The following STRBP variants were observed in gnomAD, a reference collection of about 807,000 sequenced individuals.
The protein encoded by STRBP is spermatid perinuclear RNA binding protein.
In STRBP, 13 loss-of-function variants were observed where a neutral mutation model predicts 80.1. That is an observed-to-expected ratio of 0.16 (90% CI 0.11 to 0.26). STRBP has a LOEUF of 0.26. STRBP is among the 10% of genes least tolerant of loss of function. STRBP has a pLI of 1.00. For synonymous variants in STRBP, 284 were observed against 291.2 expected, an observed-to-expected ratio of 0.98 and a Z score of 0.25; for missense variants, 485 against 815.2, an observed-to-expected ratio of 0.59 and a Z score of 4.93.
Position 123,136,298 on chromosome 9 carries a change from T to C in STRBP, c.1632+83A>G. ...ATCAAATAGTGCCACAAGAACTGACTCAGTCTAAAACTTTACATTAAGTTC... is the reference window on the plus strand; with the variant it reads ...ATCAAATAGTGCCACAAGAACTGACCCAGTCTAAAACTTTACATTAAGTTC... On this transcript the variant is annotated intron_variant, in intron 15 of 18. Transcript: ENST00000348403. This position sits in a 1 kb window ranked among gnomAD's most constrained non-coding sequence, Gnocchi z 4.2. 1 of 1,596,768 alleles carries C rather than the reference T, an allele frequency of 6.3e-7. No individual in the cohort carries two copies. Among genetic ancestry groups the C allele is most frequent in the Admixed American group, 1.8e-5 (1 of 56,964 alleles).
At chr9:123,142,124 G>A (rs1055222463) in intron 13 of STRBP, among the ~76,000 whole-genome samples, 4 of 152,140 alleles carry the variant, frequency 2.6e-5, no homozygotes, top group African/African-American at 9.7e-5. Context: ...TATGGTTTGT[G>A]TCCCCACCCA....
chr9:123,191,335 C>T (rs957612263), intron 2 of STRBP, among the ~76,000 whole-genome samples: 1 of 151,778 alleles, frequency 6.6e-6, no homozygotes, highest in African/African-American at 2.4e-5. Context: ...AGCAGTGGTC[C>T]TAAGGAAGGG....
chr9:123,154,545 T>G (rs1253816206), intron 11 of STRBP, among the ~76,000 whole-genome samples: 2 of 148,412 alleles, frequency 1.3e-5, no homozygotes, highest in Non-Finnish European at 1.5e-5. Flanking sequence ...CCCATGGCAC[T>G]GGTTTTATGG....
intron 2 of STRBP, among the ~76,000 whole-genome samples, chr9:123,202,749 G>A (rs570539366): frequency 3.7e-4 from 57 of 152,180 alleles, no homozygotes; most frequent in Admixed American, 1.6e-3. Flanking sequence ...AGTGATAGAT[G>A]CCCCATTTAC....
intron 2 of STRBP, among the ~76,000 whole-genome samples, chr9:123,199,456 T>C (rs1218950390): frequency 2.6e-5 from 4 of 152,206 alleles, no homozygotes; most frequent in African/African-American, 9.7e-5. Context: ...ATTGAATCTG[T>C]AGATTGCTTT....
At chr9:123,149,430 A>G (rs184615743) in intron 11 of STRBP, among the ~76,000 whole-genome samples, 85 of 152,374 alleles carry the variant, frequency 5.6e-4, no homozygotes, top group Non-Finnish European at 8.4e-4. Context: ...ATTAAGTTAC[A>G]TTAAAAGCAG....
Position 123,125,591 on chromosome 9 carries a change from C to T in STRBP, c.*6G>A, listed in dbSNP as rs761203830. 2.5e-6 allele frequency: 4 copies of T among 1,611,908 alleles called. No individual in the cohort carries two copies. The highest frequency in any genetic ancestry group is 8.5e-7 in the Non-Finnish European group (1 of 1,179,246). The stretch of plus-strand genomic sequence containing the variant: ...TTGTTCAATAGGAATTAGCTTCTGT[C>T]ATTTGCTAAAAGAATGAGTAGTGGG... On this transcript the variant is annotated 3_prime_UTR_variant, in exon 19 of 19. Transcript: ENST00000348403.
intron 4 of STRBP, among the ~76,000 whole-genome samples, chr9:123,176,469 T>G (rs575000248): frequency 4.7e-4 from 72 of 152,332 alleles, no homozygotes; most frequent in Admixed American, 4.4e-3. Flanking sequence ...CAAGTTAAAG[T>G]TTGTTAATGA....
At chr9:123,134,243 GA>G (rs2132316261) in intron 16 of STRBP, among the ~76,000 whole-genome samples, 1 of 152,322 alleles carries the variant, frequency 6.6e-6, no homozygotes, top group African/African-American at 2.4e-5. Context: ...CAAGGTGCAA[GA>G]AAGTGGTGCA....
chr9:123,192,233 T>A (rs2132487209), intron 2 of STRBP, among the ~76,000 whole-genome samples: 1 of 152,258 alleles, frequency 6.6e-6, no homozygotes, highest in Middle Eastern at 3.4e-3. Flanking sequence ...AGGTCTGGAT[T>A]AGGATATAAA....
chr9:123,195,480 GACAA>G (rs199540631), intron 2 of STRBP, among the ~76,000 whole-genome samples: 3,038 of 152,122 alleles, frequency 0.02, 59 homozygotes, highest in Admixed American at 0.062. Flanking sequence ...TATTAGAACT[GACAA>G]ACAAATTCAG....
chr9:123,218,560 G>A (rs947692587), intron 2 of STRBP, among the ~76,000 whole-genome samples: 6 of 150,472 alleles, frequency 4.0e-5, no homozygotes, highest in Non-Finnish European at 5.9e-5. Flanking sequence ...TAGTAGAGAC[G>A]GGGTTTCACC....
In STRBP at chr9:123,110,481, A is replaced by G. The variant is rs1413582672; in HGVS notation, c.*85-728T>C. 1 of 169,216 alleles carries G rather than the reference A, an allele frequency of 5.9e-6. No individual in the cohort carries two copies. Among genetic ancestry groups the G allele is most frequent in the East Asian group, 1.9e-4 (1 of 5,206 alleles). The allele number at this position is 169,216 out of a possible 1,614,324, so 10.5% of individuals were successfully genotyped here. A position where few individuals can be genotyped will look rare whatever the true frequency, so the allele number is the denominator to read the frequency against. ...CAACCACTTAGACCAAAGGCTCAGC[A>G]CAACAGGCCAGACAGATGGGTCCAG... On this transcript the variant is annotated intron_variant and NMD_transcript_variant, in intron 3 of 3. Transcript: ENST00000471564. This position sits in a 1 kb window ranked among gnomAD's most constrained non-coding sequence, Gnocchi z 4.1.
intron 6 of STRBP, among the ~76,000 whole-genome samples, chr9:123,161,638 A>C (rs954680686): frequency 6.6e-6 from 1 of 152,228 alleles, no homozygotes; most frequent in Admixed American, 6.5e-5. Context: ...TGAGAACTCA[A>C]GTATCAGTTT....
chr9:123,177,747 C>T (rs1281335539), intron 4 of STRBP, among the ~76,000 whole-genome samples: 1 of 152,044 alleles, frequency 6.6e-6, no homozygotes, highest in Non-Finnish European at 1.5e-5. Context: ...ATAAACTTCA[C>T]TGAAATGTAT....
chr9:123,159,615 A>C (rs2037437294), intron 8 of STRBP, among the ~76,000 whole-genome samples: 1 of 152,206 alleles, frequency 6.6e-6, no homozygotes, highest in Non-Finnish European at 1.5e-5. Flanking sequence ...TTTCAATATA[A>C]TAATAAGACT....
chr9:123,174,182 T>A lies in STRBP; in HGVS notation c.225-340A>T, dbSNP rs117390697. Reference sequence around the variant, plus strand: ...CAGGTGCAGTGGCTCATGCCTGTAATCCCAACACTTTGGGAGGTCAAGGCA... The same window carrying A: ...CAGGTGCAGTGGCTCATGCCTGTAAACCCAACACTTTGGGAGGTCAAGGCA... On this transcript the variant is annotated intron_variant, in intron 4 of 18. Coordinates refer to ENST00000348403, the MANE Select transcript of STRBP (RefSeq NM_018387.5). Among the ~76,000 whole-genome samples, 94 of 152,354 alleles carry A rather than the reference T, an allele frequency of 6.2e-4. 1 individual carries two copies. The East Asian group carries it at 0.017, about 27-fold the overall frequency.
At chr9:123,206,937 CAAG>C (rs2039539284) in intron 2 of STRBP, among the ~76,000 whole-genome samples, 1 of 152,128 alleles carries the variant, frequency 6.6e-6, no homozygotes, top group Non-Finnish European at 1.5e-5. Flanking sequence ...CGCGCCCAGC[CAAG>C]AAGATTTTTT....
chr9:123,204,065 T>A (rs544324279), intron 2 of STRBP, among the ~76,000 whole-genome samples: 1 of 152,200 alleles, frequency 6.6e-6, no homozygotes, highest in Non-Finnish European at 1.5e-5. Flanking sequence ...TTTTTCTGCA[T>A]AGGATTTACC....
Sources: gnomAD v4.1 joint callset for allele counts (sites outside exome capture counted in the v4.1 genomes callset) on GRCh38, gnomAD v4.1.1 for gene constraint, Gnocchi (gnomAD v3.1) non-coding constraint, MANE v1.5 for transcripts, NCBI Gene and HGNC (gene_info 2026-07-23, HGNC 2026-07-21) for gene names.